Variants in TEK observed in about 807,000 individuals in gnomAD.
The protein encoded by TEK is TEK receptor tyrosine kinase.
In TEK, 43 loss-of-function variants were observed where a neutral mutation model predicts 131.8. The observed-to-expected ratio is 0.33, with a 90% CI of 0.26 to 0.42. TEK has a LOEUF of 0.42. Ranked by LOEUF, TEK falls within the 10% of genes least tolerant of loss-of-function variation. The probability of loss-of-function intolerance (pLI) is 1.00; values close to 1 mark genes in which losing one functional copy is unlikely to be tolerated. For missense variants in TEK, 1,162 were observed against 1,384.4 expected (o/e 0.84, Z 2.55); for synonymous variants, 580 against 491.6 (o/e 1.18, Z -2.38).
At chr9:27,116,722 T>G (rs969813130) in intron 1 of TEK, among the ~76,000 whole-genome samples, 7 of 152,066 alleles carry the variant, frequency 4.6e-5, no homozygotes, top group Non-Finnish European at 8.8e-5. Flanking sequence ...AAGATTGAAA[T>G]GAAGGAACGA....
chr9:27,123,285 A>G (rs1253929320), intron 1 of TEK, among the ~76,000 whole-genome samples: 1 of 151,906 alleles, frequency 6.6e-6, no homozygotes, highest in Non-Finnish European at 1.5e-5. Context: ...AAGCTTAATT[A>G]TAGGGTGAGC....
chr9:27,135,006 C>T (rs564152865), intron 1 of TEK, among the ~76,000 whole-genome samples: 1 of 152,150 alleles, frequency 6.6e-6, no homozygotes, highest in African/African-American at 2.4e-5. Context: ...AGGTGGATCA[C>T]CTGACGTCAA....
chr9:27,219,054 G>A (rs1254180710), intron 20 of TEK, among the ~76,000 whole-genome samples: 1 of 105,370 alleles, frequency 9.5e-6, no homozygotes, highest in Non-Finnish European at 2.0e-5. Context: ...TATATTAATT[G>A]GCTCCGCTTG....
chr9:27,219,282 C>G (rs35717047), intron 20 of TEK, among the ~76,000 whole-genome samples: 1 of 152,132 alleles, frequency 6.6e-6, no homozygotes, highest in Admixed American at 6.6e-5. Flanking sequence ...TACATATACA[C>G]CGTGGAATAC....
intron 1 of TEK, among the ~76,000 whole-genome samples, chr9:27,131,869 A>T (rs1822240973): frequency 6.6e-6 from 1 of 152,024 alleles, no homozygotes; most frequent in Admixed American, 6.6e-5. Flanking sequence ...TCCCCTCTAA[A>T]TAGTCTAGGA....
intron 10 of TEK, 151 bp from the exon 11 acceptor site, chr9:27,192,338 G>C: frequency 2.5e-6 from 2 of 806,756 alleles, no homozygotes; most frequent in South Asian, 2.9e-5. Flanking sequence ...TATTGGGAAG[G>C]ATGAGGCCTT....
At chr9:27,152,744 C>T (rs1334631520) in intron 1 of TEK, among the ~76,000 whole-genome samples, 2 of 152,080 alleles carry the variant, frequency 1.3e-5, no homozygotes, top group African/African-American at 4.8e-5. Context: ...ATTACAGTTT[C>T]TTTAAACACA....
chr9:27,218,751 T>TG (rs771924881), intron 19 of TEK, 26 bp from the exon 20 acceptor site: 1 of 1,613,820 alleles, frequency 6.2e-7, no homozygotes, highest in Non-Finnish European at 8.5e-7. Context: ...TGCTGATTGT[T>TG]GGTTTCACAC....
At chr9:27,227,385 C>T (rs538940132) in intron 21 of TEK, among the ~76,000 whole-genome samples, 27 of 152,296 alleles carry the variant, frequency 1.8e-4, no homozygotes, top group South Asian at 1.7e-3. Flanking sequence ...AGGAGTTCTG[C>T]GGTCAATTAC....
intron 21 of TEK, among the ~76,000 whole-genome samples, chr9:27,224,602 T>C (rs1476370365): frequency 6.6e-6 from 1 of 152,206 alleles, no homozygotes; most frequent in East Asian, 1.9e-4. Context: ...TGATGGAACG[T>C]ATCTCAAAAT....
chr9:27,141,184 T>G (rs927864845), intron 1 of TEK, among the ~76,000 whole-genome samples: 7 of 152,086 alleles, frequency 4.6e-5, no homozygotes, highest in Non-Finnish European at 5.9e-5. Flanking sequence ...ACATATTGTT[T>G]TATACTTTAT....
chr9:27,182,081 G>A (rs1235934103), intron 7 of TEK, among the ~76,000 whole-genome samples: 2 of 152,148 alleles, frequency 1.3e-5, no homozygotes, highest in Non-Finnish European at 2.9e-5. Context: ...AATGCCATGG[G>A]GCTACTAGGG....
chr9:27,222,040 C>T (rs144166380), intron 21 of TEK, among the ~76,000 whole-genome samples: 683 of 152,128 alleles, frequency 4.5e-3, no homozygotes, highest in African/African-American at 0.015. Flanking sequence ...TAGAGAAGAA[C>T]GTAAATGACC....
At chr9:27,130,363 C>G (rs1406965140) in intron 1 of TEK, among the ~76,000 whole-genome samples, 1 of 151,906 alleles carries the variant, frequency 6.6e-6, no homozygotes, top group Non-Finnish European at 1.5e-5. Flanking sequence ...TTACCACACA[C>G]CAAAATAAAT....
chr9:27,184,935 G>T (rs1011594376), intron 8 of TEK, among the ~76,000 whole-genome samples: 2 of 152,004 alleles, frequency 1.3e-5, no homozygotes, highest in African/African-American at 4.8e-5. Flanking sequence ...AGCTACTTGG[G>T]TGAGGTGGGG....
At chr9:27,221,616 C>T (rs1197385403) in intron 21 of TEK, among the ~76,000 whole-genome samples, 2 of 152,210 alleles carry the variant, frequency 1.3e-5, no homozygotes, top group Non-Finnish European at 2.9e-5. Context: ...GATATCCAGG[C>T]AGACAGGGTC....
intron 21 of TEK, among the ~76,000 whole-genome samples, chr9:27,220,753 T>C (rs1002856053): frequency 1.3e-5 from 2 of 152,214 alleles, no homozygotes; most frequent in Non-Finnish European, 2.9e-5. Context: ...CCAGCCCAGA[T>C]ACTAAGCTTT....
intron 9 of TEK, among the ~76,000 whole-genome samples, 178 bp downstream of exon 9, chr9:27,185,807 G>A (rs1824579790): frequency 6.6e-6 from 1 of 152,174 alleles, no homozygotes; most frequent in Non-Finnish European, 1.5e-5. Context: ...AGTATGAACT[G>A]TGGAGTCACA....
At chr9:27,223,500 C>G (rs951495331) in intron 21 of TEK, among the ~76,000 whole-genome samples, 3 of 152,144 alleles carry the variant, frequency 2.0e-5, no homozygotes, top group Non-Finnish European at 4.4e-5. Context: ...AACTGAACAA[C>G]CTGCTCCTGA....
Sources: gnomAD v4.1 joint callset for allele counts (sites outside exome capture counted in the v4.1 genomes callset) on GRCh38, gnomAD v4.1.1 for gene constraint, MANE v1.5 for transcripts, NCBI Gene and HGNC (gene_info 2026-07-23, HGNC 2026-07-21) for gene names.